Variants in NAT1 observed in about 807,000 individuals in gnomAD.
NAT1 encodes N-acetyltransferase 1, also known as arylamine N-acetyltransferase 1.
For synonymous variants in NAT1, 144 were observed against 122.6 expected, an observed-to-expected ratio of 1.17 and a Z score of -1.16; for missense variants, 400 against 339.2, an observed-to-expected ratio of 1.18 and a Z score of -1.41.
chr8:18,216,558 C>T (rs1048074090), intron 1 of NAT1, among the ~76,000 whole-genome samples: 5 of 152,226 alleles, frequency 3.3e-5, no homozygotes, highest in Admixed American at 2.0e-4. Context: ...TTCAATAAGA[C>T]CCATCTGTAT....
intron 2 of NAT1, among the ~76,000 whole-genome samples, chr8:18,191,845 G>C (rs1312859578): frequency 6.6e-6 from 1 of 151,718 alleles, no homozygotes; most frequent in Non-Finnish European, 1.5e-5. Context: ...AATTCAAGAT[G>C]GATTAAAGAC....
In NAT1 at chr8:18,222,796, C is replaced by A; in HGVS notation, c.749C>A (p.Thr250Lys). ...AGGAGATTCAATTATAAGGACAATA[C>A]AGATCTAATAGAGTTCAAGACTCTG... is the stretch of plus-strand genomic sequence containing the variant. ...THRRFNYKDN[T>K]DLIEFKTLSE... Residue 250 changes from threonine to lysine, a missense_variant, in exon 3 of 3, where the codon ACA becomes AAA. Coordinates refer to ENST00000307719, the MANE Select transcript of NAT1 (RefSeq NM_000662.8). 2 of 1,613,364 alleles carry A rather than the reference C, an allele frequency of 1.2e-6. No homozygotes were observed. The highest frequency in any genetic ancestry group is 1.7e-6 in the Non-Finnish European group (2 of 1,179,814).
upstream of NAT1, among the ~76,000 whole-genome samples, chr8:18,208,082 A>C (rs1383599210): frequency 7.2e-6 from 1 of 139,088 alleles, no homozygotes; most frequent in African/African-American, 2.6e-5. Flanking sequence ...ACATGGACAT[A>C]GGGAGGGGAG....
At position 18,222,168 on chromosome 8, in the gene NAT1, A is replaced by T; in HGVS notation, c.121A>T (p.Asn41Tyr). 1 of 1,614,158 alleles carries T rather than the reference A, an allele frequency of 6.2e-7. No individual in the cohort carries two copies. The highest frequency in any genetic ancestry group is 8.5e-7 in the Non-Finnish European group (1 of 1,180,002). The change falls in exon 3 of 3, where the codon AAC becomes TAC. Residue 41 changes from asparagine (N) to tyrosine (Y), a missense_variant. Transcript: ENST00000307719. ...CCGAGCTGTTCCCTTTGAGAACCTTAACATCCATTGTGGGGATGCCATGGA... is the reference window on the plus strand; with the variant it reads ...CCGAGCTGTTCCCTTTGAGAACCTTTACATCCATTGTGGGGATGCCATGGA... The part of the protein sequence containing the change: ...QIRAVPFENL[N>Y]IHCGDAMDLG...
At chr8:18,192,685 T>C (rs1803047651) in intron 2 of NAT1, among the ~76,000 whole-genome samples, 1 of 152,116 alleles carries the variant, frequency 6.6e-6, no homozygotes. Context: ...TTCATGTCCT[T>C]TGTAGGGACA....
chr8:18,216,429 A>G (rs372549086), intron 1 of NAT1, among the ~76,000 whole-genome samples: 94 of 152,258 alleles, frequency 6.2e-4, no homozygotes, highest in African/African-American at 2.2e-3. Flanking sequence ...GACAAGCTCG[A>G]GTCAGGGCAA....
intron 2 of NAT1, among the ~76,000 whole-genome samples, chr8:18,220,010 AATCAAAT>A (rs1428485867): frequency 2.0e-5 from 3 of 152,260 alleles, no homozygotes; most frequent in Non-Finnish European, 4.4e-5. Context: ...TCTAAGCAAG[AATCAAAT>A]ATCCAGGTAT....
chr8:18,218,588 C>G (rs1259509028), intron 1 of NAT1, among the ~76,000 whole-genome samples: 2 of 152,182 alleles, frequency 1.3e-5, no homozygotes, highest in African/African-American at 4.8e-5. Flanking sequence ...ACAATTAAGG[C>G]AGTTGTAAGC....
chr8:18,192,171 T>C (rs1207170224), intron 2 of NAT1, among the ~76,000 whole-genome samples: 2 of 151,676 alleles, frequency 1.3e-5, no homozygotes, highest in African/African-American at 4.9e-5. Context: ...CATCAAAAAG[T>C]GGGCAAAGGA....
intron 1 of NAT1, among the ~76,000 whole-genome samples, chr8:18,217,656 C>T (rs1239942223): frequency 6.6e-6 from 1 of 152,154 alleles, no homozygotes; most frequent in Non-Finnish European, 1.5e-5. Context: ...CTGAAAAAGG[C>T]ACCGCAGAGA....
intron 1 of NAT1, among the ~76,000 whole-genome samples, chr8:18,210,723 T>C (rs1166073499): frequency 6.6e-6 from 1 of 152,178 alleles, no homozygotes; most frequent in East Asian, 1.9e-4. Flanking sequence ...TGATCCTGGA[T>C]GTCCAGGAAG....
At chr8:18,183,932 G>T (rs970238952) in intron 2 of NAT1, among the ~76,000 whole-genome samples, 1 of 152,138 alleles carries the variant, frequency 6.6e-6, no homozygotes, top group African/African-American at 2.4e-5. Flanking sequence ...CTATGACTTT[G>T]CTGGGTTCAG....
chr8:18,180,882 A>G (rs1478470327), intron 2 of NAT1, among the ~76,000 whole-genome samples: 1 of 152,134 alleles, frequency 6.6e-6, no homozygotes, highest in Admixed American at 6.6e-5. Flanking sequence ...TCTTATGCCA[A>G]TACCATGCTG....
At chr8:18,185,012 A>G (rs1802676002) in intron 2 of NAT1, among the ~76,000 whole-genome samples, 1 of 152,186 alleles carries the variant, frequency 6.6e-6, no homozygotes. Context: ...TGGCAAATCT[A>G]AACATTGGTT....
intron 2 of NAT1, among the ~76,000 whole-genome samples, chr8:18,180,252 T>A (rs1010295586): frequency 1.2e-4 from 18 of 152,088 alleles, no homozygotes; most frequent in African/African-American, 4.3e-4. Context: ...GGAAAATTAG[T>A]GCTAGAGTTG....
Position 18,222,662 on chromosome 8 carries a change from G to A in NAT1, c.615G>A (p.Met205Ile). The change falls in exon 3 of 3, where the codon ATG becomes ATA. Residue 205 changes from methionine (M) to isoleucine (I), a missense_variant. Coordinates refer to ENST00000307719, the MANE Select transcript of NAT1 (RefSeq NM_000662.8). ...GAACAATTGAAGATTTTGAGTCTAT[G>A]AATACATACCTGCAGACATCTCCAT... Reference protein sequence around the residue: ...KPRTIEDFESMNTYLQTSPSS... With the variant: ...KPRTIEDFESINTYLQTSPSS... 1 of 1,613,786 alleles carries A rather than the reference G, an allele frequency of 6.2e-7. No individual in the cohort carries two copies. The highest frequency in any genetic ancestry group is 8.5e-7 in the Non-Finnish European group (1 of 1,179,948).
intron 2 of NAT1, among the ~76,000 whole-genome samples, chr8:18,196,857 T>C (rs144067230): frequency 1.7e-4 from 26 of 152,326 alleles, no homozygotes; most frequent in African/African-American, 6.0e-4. Context: ...TATGTGATGT[T>C]AGAGTTCACA....
At chr8:18,206,132 A>G (rs1803708346), upstream of NAT1, among the ~76,000 whole-genome samples, 1 of 152,144 alleles carries the variant, frequency 6.6e-6, no homozygotes, top group African/African-American at 2.4e-5. Flanking sequence ...TGGTGGCTGA[A>G]GGGTCTCCTT....
At chr8:18,196,037 GATTA>G (rs1246548172) in intron 2 of NAT1, among the ~76,000 whole-genome samples, 1 of 152,032 alleles carries the variant, frequency 6.6e-6, no homozygotes, top group Non-Finnish European at 1.5e-5. Flanking sequence ...TGGATCCAAG[GATTA>G]ATTTACAGAA....
Sources: allele counts gnomAD v4.1 joint callset (sites outside exome capture counted in the v4.1 genomes callset), GRCh38; gene constraint gnomAD v4.1.1; transcripts MANE v1.5; gene names NCBI Gene and HGNC (gene_info 2026-07-23, HGNC 2026-07-21).